The following ENTPD7 variants were observed in gnomAD, a reference collection of about 807,000 sequenced individuals.
ENTPD7 encodes ectonucleoside triphosphate diphosphohydrolase 7, also known as NTPDase 7.
A neutral mutation model predicts 77.9 loss-of-function variants in ENTPD7; 53 were observed. The ratio of observed to expected loss-of-function variants is 0.68; its 90% CI spans 0.55 to 0.85. ENTPD7 has a LOEUF of 0.85. Ranked by LOEUF, ENTPD7 falls within the 40% of genes least tolerant of loss-of-function variation. The probability of loss-of-function intolerance (pLI) is 0.00; values close to 1 mark genes in which losing one functional copy is unlikely to be tolerated. For synonymous variants in ENTPD7, 248 were observed against 274.9 expected (o/e 0.90, Z 0.97); for missense variants, 636 against 743.7 (o/e 0.86, Z 1.68).
chr10:99,676,128 C>T (rs1184785009), intron 3 of ENTPD7, among the ~76,000 whole-genome samples: 1 of 151,942 alleles, frequency 6.6e-6, no homozygotes, highest in Non-Finnish European at 1.5e-5. Flanking sequence ...ATGCGAGAAT[C>T]TAGGGTCTTC....
intron 2 of ENTPD7, 130 bp from the exon 3 acceptor site, chr10:99,661,316 C>A: frequency 1.4e-6 from 1 of 715,368 alleles, no homozygotes; most frequent in Non-Finnish European, 2.2e-6. Context: ...TTAGAGATGA[C>A]AAGAACATTT....
chr10:99,688,385 A>G (rs530852304), intron 6 of ENTPD7, among the ~76,000 whole-genome samples: 1 of 152,324 alleles, frequency 6.6e-6, no homozygotes, highest in South Asian at 2.1e-4. Flanking sequence ...ATTGCCCAGA[A>G]CTAGAACTCC....
At chr10:99,678,602 A>G (rs1281456244) in intron 3 of ENTPD7, among the ~76,000 whole-genome samples, 1 of 150,460 alleles carries the variant, frequency 6.6e-6, no homozygotes, top group African/African-American at 2.4e-5. Context: ...GCAAAACCAA[A>G]AAGCCCAATC....
Position 99,696,030 on chromosome 10 carries a change from G to A in ENTPD7, c.918G>A (p.Arg306=), listed in dbSNP as rs1174634561. Residue 306 remains arginine (R), a synonymous_variant, in exon 9 of 13, where the codon AGG becomes AGA. Coordinates refer to ENST00000370489, the MANE Select transcript of ENTPD7 (RefSeq NM_020354.5). ...CDVQHTEHVY[R]VYVTTFLGFG... ...TGCAACACACTGAACACGTGTACAG[G>A]GTTTATGTCACAACTTTTCTGGGTT... 6.2e-7 allele frequency: 1 copy of A among 1,614,174 alleles called. No homozygotes were observed. The highest frequency in any genetic ancestry group is 1.1e-5 in the South Asian group (1 of 91,070).
chr10:99,671,185 A>G (rs1460718076), intron 3 of ENTPD7, among the ~76,000 whole-genome samples: 1 of 152,000 alleles, frequency 6.6e-6, no homozygotes, highest in Non-Finnish European at 1.5e-5. Flanking sequence ...AGGCTACACT[A>G]AATTTATTTA....
chr10:99,701,572 G>A (rs1022475421), intron 11 of ENTPD7, among the ~76,000 whole-genome samples: 2 of 151,730 alleles, frequency 1.3e-5, no homozygotes, highest in African/African-American at 2.4e-5. Flanking sequence ...ACAGGTATGA[G>A]CCACCGGGCC....
intron 8 of ENTPD7, among the ~76,000 whole-genome samples, chr10:99,695,230 G>T (rs1027814892): frequency 1.3e-5 from 2 of 152,080 alleles, no homozygotes; most frequent in African/African-American, 4.8e-5. Context: ...GATAATGTTA[G>T]AAAAGGCCAC....
intron 2 of ENTPD7, chr10:99,660,343 T>C (rs1429194024): frequency 3.7e-5 from 44 of 1,174,254 alleles, no homozygotes; most frequent in Non-Finnish European, 4.6e-5. Flanking sequence ...TGAATCAATA[T>C]ACAAAGTGAA....
intron 5 of ENTPD7, among the ~76,000 whole-genome samples, chr10:99,681,717 A>G (rs896888351): frequency 4.6e-5 from 7 of 152,090 alleles, no homozygotes; most frequent in Non-Finnish European, 7.4e-5. Flanking sequence ...TGTTTTTTGG[A>G]TAACAGCCAT....
intron 10 of ENTPD7, among the ~76,000 whole-genome samples, chr10:99,700,239 AT>A (rs1306981641): frequency 6.6e-6 from 1 of 151,964 alleles, no homozygotes; most frequent in Non-Finnish European, 1.5e-5. Context: ...GGTAAAAGCG[AT>A]TTTTTTCCCT....
rs756873283 is a variant in ENTPD7 at position 99,659,938 on chromosome 10, A to T, written c.-19A>T. On this transcript the variant is annotated 5_prime_UTR_variant, in exon 2 of 13. Coordinates refer to ENST00000370489, the MANE Select transcript of ENTPD7 (RefSeq NM_020354.5). This position sits in a 1 kb window ranked among gnomAD's most constrained non-coding sequence, Gnocchi z 4.1. Reference sequence around the variant, plus strand: ...AAGAAAAAGAAGGTGACAGGCGTTGAGACCACCGAAGGGAACCCATGGCTA... The same window carrying T: ...AAGAAAAAGAAGGTGACAGGCGTTGTGACCACCGAAGGGAACCCATGGCTA... The T allele has an allele frequency of 6.2e-7, 1 of 1,613,954 alleles. No individual in the cohort carries two copies.
chr10:99,700,837 G>A (rs764637519), intron 10 of ENTPD7, 136 bp from the exon 11 acceptor site: 5 of 744,748 alleles, frequency 6.7e-6, no homozygotes, highest in Non-Finnish European at 1.2e-5. Flanking sequence ...TTTAGTGAAT[G>A]AACACACCAT....
Position 99,669,090 on chromosome 10 carries a change from G to A in ENTPD7, c.191+7462G>A, listed in dbSNP as rs114087795. Among the ~76,000 whole-genome samples the A allele has an allele frequency of 6.6e-3, 968 of 145,698 alleles. 15 individuals carry two copies. Among genetic ancestry groups the A allele is most frequent in the African/African-American group, 0.022 (858 of 39,416 alleles). Reference sequence around the variant, plus strand: ...ACAGTGTCTCCCTATGTTGCCAAGCGTAGTCATGAACTCCTAGGCTCAAGC... The same window carrying A: ...ACAGTGTCTCCCTATGTTGCCAAGCATAGTCATGAACTCCTAGGCTCAAGC... On this transcript the variant is annotated intron_variant, in intron 3 of 12. Transcript: ENST00000370489.
chr10:99,688,412 CT>C (rs1036314244), intron 6 of ENTPD7, among the ~76,000 whole-genome samples: 23 of 151,956 alleles, frequency 1.5e-4, no homozygotes, highest in East Asian at 3.9e-4. Flanking sequence ...TACATTTTTT[CT>C]TTTTTTTCGA....
chr10:99,667,918 G>T (rs1042985640), intron 3 of ENTPD7, among the ~76,000 whole-genome samples: 10 of 139,540 alleles, frequency 7.2e-5, no homozygotes, highest in South Asian at 2.4e-4. Flanking sequence ...TTATGTTAAT[G>T]AAATGATAAT....
chr10:99,680,493 T>G (rs2035738676), intron 5 of ENTPD7, among the ~76,000 whole-genome samples: 1 of 152,094 alleles, frequency 6.6e-6, no homozygotes, highest in African/African-American at 2.4e-5. Flanking sequence ...CATACTTACG[T>G]AGGCCGGGGG....
intron 3 of ENTPD7, among the ~76,000 whole-genome samples, chr10:99,675,839 AC>A (rs1173558566): frequency 6.6e-6 from 1 of 151,708 alleles, no homozygotes; most frequent in Admixed American, 6.6e-5. Flanking sequence ...CTCATGATCC[AC>A]CCACCTCGGC....
intron 7 of ENTPD7, 52 bp downstream of exon 7, chr10:99,688,802 G>A (rs768706002): frequency 4.5e-6 from 7 of 1,566,894 alleles, no homozygotes; most frequent in African/African-American, 4.1e-5. Flanking sequence ...GAAGATTTAA[G>A]TTATAACCTA....
At chr10:99,692,530 CTT>C (rs3047437) in intron 8 of ENTPD7, among the ~76,000 whole-genome samples, 2 of 145,950 alleles carry the variant, frequency 1.4e-5, no homozygotes, top group Admixed American at 6.8e-5. Flanking sequence ...TGAGAGTAGG[CTT>C]TTTTTTTTTT....
Sources: gnomAD v4.1 joint callset for allele counts (sites outside exome capture counted in the v4.1 genomes callset) on GRCh38, gnomAD v4.1.1 for gene constraint, Gnocchi (gnomAD v3.1) non-coding constraint, MANE v1.5 for transcripts, NCBI Gene and HGNC (gene_info 2026-07-23, HGNC 2026-07-21) for gene names.